The following SGK1 variants were observed in gnomAD, a reference collection of about 807,000 sequenced individuals.
SGK1 encodes the protein serine/threonine-protein kinase Sgk1.
A neutral mutation model predicts 64.2 loss-of-function variants in SGK1; 26 were observed. The ratio of observed to expected loss-of-function variants is 0.40; its 90% CI spans 0.30 to 0.56. SGK1 has a LOEUF of 0.56. Ranked by LOEUF, SGK1 falls within the 20% of genes least tolerant of loss-of-function variation. SGK1 has a pLI of 0.38. For missense variants in SGK1, 519 were observed against 645.6 expected, an observed-to-expected ratio of 0.80 and a Z score of 2.12; for synonymous variants, 265 against 239.7, an observed-to-expected ratio of 1.11 and a Z score of -0.98.
intron 2 of SGK1, among the ~76,000 whole-genome samples, chr6:134,258,347 T>C (rs1308228245): frequency 6.6e-6 from 1 of 152,076 alleles, no homozygotes; most frequent in Non-Finnish European, 1.5e-5. Flanking sequence ...TTGGCTTCCC[T>C]GGGGTTACAG....
At position 134,275,694 on chromosome 6, in the gene SGK1, G is replaced by A. The variant is rs116244978; in HGVS notation, c.70-13546C>T. ...TGGTAAAATCTAAATATCTTGGCCT[G>A]GGAGACCAAGTCTCCTAGGGTCTGG... On this transcript the variant is annotated intron_variant, in intron 1 of 13. Coordinates refer to ENST00000367858, the MANE Select transcript of SGK1 (RefSeq NM_001143676.3). Among the ~76,000 whole-genome samples the A allele has an allele frequency of 9.8e-3, 1,494 of 152,190 alleles. 36 individuals are homozygous for A. The highest frequency in any genetic ancestry group is 0.034 in the African/African-American group (1,422 of 41,510).
intron 2 of SGK1, among the ~76,000 whole-genome samples, chr6:134,229,160 T>C (rs1471996775): frequency 1.3e-5 from 2 of 152,244 alleles, no homozygotes; most frequent in African/African-American, 4.8e-5. Context: ...TGCTACAAAT[T>C]ACTGGGCCTG....
intron 1 of SGK1, among the ~76,000 whole-genome samples, chr6:134,309,391 ACCT>A (rs1242177086): frequency 6.6e-6 from 1 of 151,670 alleles, no homozygotes; most frequent in African/African-American, 2.4e-5. Context: ...CACCTCCTCC[ACCT>A]CCTTCTCCTC....
At chr6:134,249,467 A>G (rs1443419479) in intron 2 of SGK1, 1 of 151,526 alleles carries the variant, frequency 6.6e-6, no homozygotes, top group East Asian at 1.9e-4. Flanking sequence ...TTACTAACTT[A>G]CTCATCCTTC....
At chr6:134,258,998 T>C (rs1212062278) in intron 2 of SGK1, among the ~76,000 whole-genome samples, 1 of 151,974 alleles carries the variant, frequency 6.6e-6, no homozygotes, top group East Asian at 1.9e-4. Flanking sequence ...AAAAAAAAAG[T>C]AATAAAATAA....
chr6:134,237,864 A>G (rs1776387620), intron 2 of SGK1, among the ~76,000 whole-genome samples: 2 of 152,212 alleles, frequency 1.3e-5, no homozygotes, highest in Non-Finnish European at 2.9e-5. Context: ...GAGAACAAGT[A>G]AGTTATTTAT....
At position 134,209,216 on chromosome 6, in the gene SGK1, C is replaced by G. The variant is rs572911594; in HGVS notation, c.286-1785G>C. ...TGGGAGGCCGAGGCGGGCGGATCAG[C>G]TGAGGTCAGGAGTTCGAGACCAACC... is the stretch of plus-strand genomic sequence containing the variant. On this transcript the variant is annotated intron_variant, in intron 2 of 13. Transcript: ENST00000367858. 2.2e-3 allele frequency among the ~76,000 whole-genome samples: 340 copies of G among 152,158 alleles called. 1 individual carries two copies. The highest frequency in any genetic ancestry group is 7.9e-3 in the African/African-American group (326 of 41,524).
At chr6:134,201,121 C>T (rs1451624514) in intron 3 of SGK1, among the ~76,000 whole-genome samples, 7 of 145,838 alleles carry the variant, frequency 4.8e-5, no homozygotes, top group South Asian at 2.2e-4. Flanking sequence ...AGTGCAGTGG[C>T]GCGATCTCAG....
At chr6:134,311,737 C>T (rs59712744) in intron 1 of SGK1, among the ~76,000 whole-genome samples, 1,787 of 152,228 alleles carry the variant, frequency 0.012, 55 homozygotes, top group African/African-American at 0.041. Flanking sequence ...GTCACTGGGA[C>T]CATGTGCTGT....
At chr6:134,172,415 G>A (rs1021890506) in intron 9 of SGK1, 99 bp from the exon 10 acceptor site, 28 of 1,195,052 alleles carry the variant, frequency 2.3e-5, no homozygotes, top group Non-Finnish European at 3.4e-5. Context: ...GGCATTTTAG[G>A]TTCACTGTAG....
At chr6:134,263,825 G>T (rs1017225929) in intron 1 of SGK1, among the ~76,000 whole-genome samples, 21 of 152,218 alleles carry the variant, frequency 1.4e-4, no homozygotes, top group African/African-American at 4.8e-4. Context: ...ACTTTGGGAG[G>T]CTAAGGCAGG....
chr6:134,273,387 G>A (rs1226683426), intron 1 of SGK1, among the ~76,000 whole-genome samples: 1 of 146,418 alleles, frequency 6.8e-6, no homozygotes, highest in African/African-American at 2.5e-5. Context: ...TCAGGAGATC[G>A]AAACCATCCC....
At chr6:134,195,291 G>A (rs1254999594) in intron 3 of SGK1, among the ~76,000 whole-genome samples, 1 of 152,156 alleles carries the variant, frequency 6.6e-6, no homozygotes, top group Non-Finnish European at 1.5e-5. Context: ...AAGCAATTTT[G>A]GTCAGAACAA....
intron 2 of SGK1, among the ~76,000 whole-genome samples, chr6:134,259,503 G>A (rs893192878): frequency 6.6e-6 from 1 of 151,918 alleles, no homozygotes; most frequent in Non-Finnish European, 1.5e-5. Context: ...AATTACCCGG[G>A]TGTGGTGTCA....
Position 134,174,852 on chromosome 6 carries a change from C to T in SGK1, c.362-266G>A, listed in dbSNP as rs201423690. ...AAAGACGTTAGCGCTCAAAGACCGG[C>T]TCGGCGTATGCTGCGCCAGGCCGCG... On this transcript the variant is annotated intron_variant, in intron 3 of 13. Coordinates refer to ENST00000367858, the MANE Select transcript of SGK1 (RefSeq NM_001143676.3). The T allele has an allele frequency of 6.6e-4, 1,070 of 1,612,778 alleles. 10 individuals are homozygous for T. The African/African-American group carries it at 0.013, about 19-fold the overall frequency.
chr6:134,198,726 A>ATTTTTT (rs1178699258), intron 3 of SGK1, among the ~76,000 whole-genome samples: 36,173 of 100,888 alleles, frequency 0.36, 8,094 homozygotes, highest in Non-Finnish European at 0.5. Context: ...CTCTTTTTCT[A>ATTTTTT]TTTTTTTTTT....
chr6:134,252,935 C>T (rs1238492201), intron 2 of SGK1, among the ~76,000 whole-genome samples: 1 of 151,900 alleles, frequency 6.6e-6, no homozygotes, highest in Non-Finnish European at 1.5e-5. Context: ...TAAAAGAAAC[C>T]AGAAATCTAT....
At chr6:134,295,704 GAA>G (rs375195964) in intron 1 of SGK1, among the ~76,000 whole-genome samples, 5 of 112,540 alleles carry the variant, frequency 4.4e-5, no homozygotes, top group Middle Eastern at 4.6e-3. Context: ...CTCCATCTCA[GAA>G]AAAAAAAAAA....
At position 134,271,273 on chromosome 6, in the gene SGK1, T is replaced by G. The variant is rs1360024592; in HGVS notation, c.70-9125A>C. On this transcript the variant is annotated intron_variant, in intron 1 of 13. Coordinates refer to ENST00000367858, the MANE Select transcript of SGK1 (RefSeq NM_001143676.3). The stretch of plus-strand genomic sequence containing the variant: ...GGCGGAGGTTGCAGTGAGCCGAGAT[T>G]GCACCACTAGACTCCAGTCTGCAGA... 2.3e-5 allele frequency among the ~76,000 whole-genome samples: 3 copies of G among 129,076 alleles called. 1 individual carries two copies. The highest frequency in any genetic ancestry group is 5.5e-5 in the Non-Finnish European group (3 of 54,970). 84.7% of individuals were successfully genotyped at this position (129,076 alleles called of 152,430 possible).
Sources: gnomAD v4.1 joint callset for allele counts (sites outside exome capture counted in the v4.1 genomes callset) on GRCh38, gnomAD v4.1.1 for gene constraint, MANE v1.5 for transcripts, NCBI Gene and HGNC (gene_info 2026-07-23, HGNC 2026-07-21) for gene names.